NRG3: variants seen among roughly 807,000 people sequenced by gnomAD.
NRG3 encodes the protein pro-neuregulin-3, membrane-bound isoform.
In NRG3, 31 loss-of-function variants were observed where a neutral mutation model predicts 66.9. The ratio of observed to expected loss-of-function variants is 0.46; its 90% CI spans 0.35 to 0.63. The LOEUF (loss-of-function observed/expected upper bound fraction) is 0.63, where lower values mean the gene tolerates loss of function less well. Among genes scored for constraint, NRG3 ranks in the 20% least tolerant of loss-of-function variants. The pLI is 0.00. For missense variants in NRG3, 910 were observed against 878.9 expected, an observed-to-expected ratio of 1.04 and a Z score of -0.45; for synonymous variants, 393 against 359.4, an observed-to-expected ratio of 1.09 and a Z score of -1.06.
At chr10:82,259,405 G>A (rs536562109) in intron 1 of NRG3, among the ~76,000 whole-genome samples, 3 of 152,130 alleles carry the variant, frequency 2.0e-5, no homozygotes, top group South Asian at 4.2e-4. Context: ...AAGACCCAGC[G>A]CACCTGACAC....
chr10:81,900,947 T>C (rs112503410), intron 1 of NRG3, among the ~76,000 whole-genome samples: 2,408 of 152,348 alleles, frequency 0.016, 58 homozygotes, highest in South Asian at 0.046. Flanking sequence ...TTATTTTTCA[T>C]AAGTATTTCA....
At chr10:82,790,210 G>A (rs1334971887) in intron 3 of NRG3, among the ~76,000 whole-genome samples, 2 of 152,052 alleles carry the variant, frequency 1.3e-5, no homozygotes, top group Admixed American at 1.3e-4. Context: ...TGAACTTAGG[G>A]TACTGTCCAG....
intron 2 of NRG3, among the ~76,000 whole-genome samples, chr10:82,610,459 T>G (rs1315985339): frequency 6.6e-6 from 1 of 152,182 alleles, no homozygotes; most frequent in Non-Finnish European, 1.5e-5. Context: ...GGAATTATAC[T>G]GGATATACTG....
chr10:81,939,613 G>A (rs558108593), intron 1 of NRG3, among the ~76,000 whole-genome samples: 4 of 150,584 alleles, frequency 2.7e-5, no homozygotes, highest in African/African-American at 7.3e-5. Flanking sequence ...CAGTTGTAAT[G>A]CCTCCTCTTT....
At chr10:82,204,879 G>A (rs886380730) in intron 1 of NRG3, among the ~76,000 whole-genome samples, 2 of 152,190 alleles carry the variant, frequency 1.3e-5, no homozygotes, top group African/African-American at 4.8e-5. Context: ...TGCTGCAGAA[G>A]TGGAGACAGA....
At chr10:82,600,553 C>A (rs542629140) in intron 2 of NRG3, among the ~76,000 whole-genome samples, 21 of 152,246 alleles carry the variant, frequency 1.4e-4, no homozygotes, top group African/African-American at 4.8e-4. Flanking sequence ...GCATTGCAAC[C>A]CCTGCCTCCC....
At chr10:82,290,001 T>A (rs2079632340) in intron 1 of NRG3, among the ~76,000 whole-genome samples, 1 of 152,228 alleles carries the variant, frequency 6.6e-6, no homozygotes, top group African/African-American at 2.4e-5. Context: ...GTGTATGGCA[T>A]CTGTTGAATA....
intron 1 of NRG3, among the ~76,000 whole-genome samples, chr10:82,008,924 A>C (rs547671445): frequency 2.0e-4 from 30 of 152,258 alleles, no homozygotes; most frequent in Non-Finnish European, 2.4e-4. Context: ...CATTTTAGAA[A>C]AGCCAGGGCC....
rs183483644 is a variant in NRG3, at chr10:82,398,377, A to G, written c.953+39509A>G. Among the ~76,000 whole-genome samples the G allele has an allele frequency of 5.9e-5, 9 of 152,314 alleles. No individual in the cohort carries two copies. In the East Asian group the frequency reaches 1.7e-3, roughly 29 times the overall value. ...TTTCAATACCTTTTGTTAGGTCAATATAGCCTCTCCCAAATTTTAAAAGGA... is the reference window on the plus strand; with the variant it reads ...TTTCAATACCTTTTGTTAGGTCAATGTAGCCTCTCCCAAATTTTAAAAGGA... On this transcript the variant is annotated intron_variant, in intron 2 of 8. Coordinates refer to ENST00000372141, the MANE Select transcript of NRG3 (RefSeq NM_001010848.4).
intron 3 of NRG3, among the ~76,000 whole-genome samples, chr10:82,838,909 G>A (rs1021275769): frequency 3.3e-5 from 5 of 152,056 alleles, no homozygotes; most frequent in African/African-American, 9.7e-5. Flanking sequence ...CAATCATGGC[G>A]GAAGGCTTGT....
At chr10:82,560,237 A>T (rs1449958657) in intron 2 of NRG3, among the ~76,000 whole-genome samples, 1 of 151,670 alleles carries the variant, frequency 6.6e-6, no homozygotes, top group African/African-American at 2.4e-5. Flanking sequence ...AAAAGTTGGT[A>T]TTTTATTTGC....
intron 3 of NRG3, among the ~76,000 whole-genome samples, chr10:82,768,033 C>T (rs1458145710): frequency 1.1e-4 from 17 of 151,922 alleles, no homozygotes; most frequent in Admixed American, 1.1e-3. Flanking sequence ...TTTTGGAGGC[C>T]CCCAGATACC....
At chr10:82,773,284 C>G (rs956206689) in intron 3 of NRG3, among the ~76,000 whole-genome samples, 1 of 152,106 alleles carries the variant, frequency 6.6e-6, no homozygotes, top group Admixed American at 6.6e-5. Context: ...GCCATTCTAC[C>G]AGGTGTGATG....
intron 2 of NRG3, among the ~76,000 whole-genome samples, chr10:82,567,878 AGC>A (rs1350480699): frequency 6.6e-6 from 1 of 151,796 alleles, no homozygotes; most frequent in African/African-American, 2.4e-5. Context: ...ACTTTTTTGT[AGC>A]ACCTCTTCTT....
intron 1 of NRG3, among the ~76,000 whole-genome samples, chr10:82,310,396 G>A (rs2080962050): frequency 6.6e-6 from 1 of 152,142 alleles, no homozygotes; most frequent in Admixed American, 6.5e-5. Context: ...CCCCTAAAAT[G>A]TTAGTGTGCA....
chr10:82,899,502 G>A lies in NRG3; in HGVS notation c.1054+34065G>A, dbSNP rs911312245. Among the ~76,000 whole-genome samples, 9 of 152,290 alleles carry A rather than the reference G, an allele frequency of 5.9e-5. No individual in the cohort carries two copies. The South Asian group carries it at 6.2e-4, about 11-fold the overall frequency. Reference sequence around the variant, plus strand: ...ATTTGGATGTGTTGCAGGAATGTGCGTAGTATTTTTTTCTCTGTGTTTTAA... The same window carrying A: ...ATTTGGATGTGTTGCAGGAATGTGCATAGTATTTTTTTCTCTGTGTTTTAA... On this transcript the variant is annotated intron_variant, in intron 4 of 8. Coordinates refer to ENST00000372141, the MANE Select transcript of NRG3 (RefSeq NM_001010848.4).
chr10:82,101,159 G>A (rs927603002), intron 1 of NRG3, among the ~76,000 whole-genome samples: 1 of 151,748 alleles, frequency 6.6e-6, no homozygotes, highest in African/African-American at 2.4e-5. Flanking sequence ...TGTCCATAAG[G>A]TCTCAGTGGT....
chr10:82,721,716 C>A (rs905891358), intron 2 of NRG3, among the ~76,000 whole-genome samples: 2 of 152,210 alleles, frequency 1.3e-5, no homozygotes, highest in Non-Finnish European at 2.9e-5. Context: ...AGCTACCACA[C>A]CCAGTTCTTA....
At chr10:82,690,733 A>C (rs902566490) in intron 2 of NRG3, among the ~76,000 whole-genome samples, 3 of 152,164 alleles carry the variant, frequency 2.0e-5, no homozygotes, top group Admixed American at 6.5e-5. Flanking sequence ...CAGAACAAAA[A>C]TTACTCACTT....
Sources: gnomAD v4.1 joint callset for allele counts (sites outside exome capture counted in the v4.1 genomes callset) on GRCh38, gnomAD v4.1.1 for gene constraint, MANE v1.5 for transcripts, NCBI Gene and HGNC (gene_info 2026-07-23, HGNC 2026-07-21) for gene names.